The following TWF1 variants were observed in gnomAD, a reference collection of about 807,000 sequenced individuals.
TWF1 encodes twinfilin-1.
Under a neutral mutation model 47.9 loss-of-function variants are expected in TWF1, and 14 were observed. The observed-to-expected ratio is 0.29, with a 90% CI of 0.19 to 0.46. The LOEUF (loss-of-function observed/expected upper bound fraction) is 0.46. Ranked by LOEUF, TWF1 falls within the 20% of genes least tolerant of loss-of-function variation. TWF1 has a pLI of 1.00. For synonymous variants in TWF1, 96 were observed against 139.2 expected (o/e 0.69, Z 2.18); for missense variants, 281 against 409.3 (o/e 0.69, Z 2.70).
At chr12:43,804,466 C>G in intron 2 of TWF1, 29 bp downstream of exon 2, 1 of 1,402,542 alleles carries the variant, frequency 7.1e-7, no homozygotes. Context: ...AATCCAGGAA[C>G]AGAAAATATT....
At chr12:43,804,952 G>A (rs1176378931) in intron 1 of TWF1, among the ~76,000 whole-genome samples, 1 of 152,166 alleles carries the variant, frequency 6.6e-6, no homozygotes, top group African/African-American at 2.4e-5. Flanking sequence ...TCAAGCTTAT[G>A]ACAGACACTC....
chr12:43,804,396 A>G, intron 2 of TWF1, 99 bp downstream of exon 2: 1 of 778,482 alleles, frequency 1.3e-6, no homozygotes, highest in Non-Finnish European at 2.1e-6. Context: ...CTTGCTTCAT[A>G]TTAATTAATA....
intron 2 of TWF1, chr12:43,804,272 C>G: frequency 1.9e-6 from 1 of 529,050 alleles, no homozygotes; most frequent in Non-Finnish European, 3.5e-6. Flanking sequence ...AGGAAGAAGT[C>G]ACATCAAAAA....
At chr12:43,804,991 C>T (rs1223659875) in intron 1 of TWF1, among the ~76,000 whole-genome samples, 1 of 152,058 alleles carries the variant, frequency 6.6e-6, no homozygotes, top group Non-Finnish European at 1.5e-5. Flanking sequence ...TGTATTTTCC[C>T]GTTAAAAACA....
Position 43,795,752 on chromosome 12 carries a change from C to G in TWF1, c.886G>C (p.Glu296Gln). 1.2e-6 allele frequency: 2 copies of G among 1,613,028 alleles called. No homozygotes were observed. Among genetic ancestry groups the G allele is most frequent in the Non-Finnish European group, 8.5e-7 (1 of 1,179,498 alleles). Reference sequence around the variant, plus strand: ...GTCAACTCATCCCCATTGTCTATCTCGATCTGTAAAAGATAAAATTAGAAG... The same window carrying G: ...GTCAACTCATCCCCATTGTCTATCTGGATCTGTAAAAGATAAAATTAGAAG... ...QLQMDVIRKIEIDNGDELTAD... is the reference protein window; with the variant it reads ...QLQMDVIRKIQIDNGDELTAD... Residue 296 changes from glutamate (E) to glutamine (Q), a missense_variant, in exon 9 of 9, where the codon GAG (glutamate) becomes CAG (glutamine). Physicochemically the swap from Glu to Gln is conservative, Grantham distance 29. Transcript: ENST00000395510.
At chr12:43,805,783 T>G (rs988022195) in intron 1 of TWF1, 2 of 1,354,148 alleles carry the variant, frequency 1.5e-6, no homozygotes, top group Admixed American at 1.9e-5. Context: ...CTTTTTGTAA[T>G]CAAAGTCCTG....
intron 1 of TWF1, 101 bp downstream of exon 1, chr12:43,806,120 A>G: frequency 6.6e-7 from 1 of 1,524,724 alleles, no homozygotes; most frequent in Non-Finnish European, 8.8e-7. Flanking sequence ...CGACTTCCGG[A>G]GCTCCCGGCC....
rs934015032 is a variant in TWF1, at chr12:43,793,768, A to G, written c.*1817T>C. Reference sequence around the variant, plus strand: ...TTGTGATATAAAATGCACTTATAAAATGTCCACCAGAAGGCATGTAATTCT... The same window carrying G: ...TTGTGATATAAAATGCACTTATAAAGTGTCCACCAGAAGGCATGTAATTCT... On this transcript the variant is annotated 3_prime_UTR_variant, in exon 9 of 9. Coordinates refer to ENST00000395510, the MANE Select transcript of TWF1 (RefSeq NM_002822.5). 2 of 152,640 alleles carry G rather than the reference A, an allele frequency of 1.3e-5. No homozygotes were observed. The highest frequency in any genetic ancestry group is 4.8e-5 in the African/African-American group (2 of 41,454). The allele number at this position is 152,640 out of a possible 1,614,324, so 9.5% of individuals were successfully genotyped here.
rs371772622 is a variant in TWF1, at chr12:43,796,196, AAT to A, written c.883-443_883-442del. On this transcript the variant is annotated intron_variant, in intron 8 of 8. Transcript: ENST00000395510. ...TTAAGGGTTGTTAAACAACAATAAG[AAT>A]ATATGACAGAGATTATATGTGGCTT... Among the ~76,000 whole-genome samples the A allele has an allele frequency of 1.0e-3, 158 of 152,268 alleles. 1 individual carries two copies. The East Asian group carries it at 0.021, about 20-fold the overall frequency.
At chr12:43,804,628 T>C in intron 1 of TWF1, 56 bp from the exon 2 acceptor site, 1 of 1,221,798 alleles carries the variant, frequency 8.2e-7, no homozygotes, top group South Asian at 1.4e-5. Context: ...AATACTTTCC[T>C]ATCTATATTG....
At chr12:43,805,034 A>C (rs550945977) in intron 1 of TWF1, among the ~76,000 whole-genome samples, 8 of 152,392 alleles carry the variant, frequency 5.2e-5, no homozygotes, top group Non-Finnish European at 1.0e-4. Context: ...ACTTGTTTAA[A>C]GAAAAAGACA....
At chr12:43,799,555 G>T in intron 4 of TWF1, 53 bp from the exon 5 acceptor site, 2 of 1,068,564 alleles carry the variant, frequency 1.9e-6, no homozygotes, top group East Asian at 2.7e-5. Flanking sequence ...TAAAATGACA[G>T]TGAAGTTACT....
chr12:43,803,421 T>C (rs1039258330), intron 2 of TWF1, among the ~76,000 whole-genome samples: 2 of 152,154 alleles, frequency 1.3e-5, no homozygotes, highest in African/African-American at 2.4e-5. Context: ...ATGCTTGAAG[T>C]AAATAAGATA....
At chr12:43,805,819 A>C in intron 1 of TWF1, 1 of 1,375,236 alleles carries the variant, frequency 7.3e-7, no homozygotes, top group Non-Finnish European at 9.6e-7. Context: ...GACCATGAAA[A>C]AGAAAACTCG....
chr12:43,797,651 A>G (rs1942578468), intron 6 of TWF1, 57 bp downstream of exon 6: 1 of 1,575,878 alleles, frequency 6.3e-7, no homozygotes, highest in African/African-American at 1.4e-5. Context: ...TAAACCCTAT[A>G]TGAGTCATAA....
At chr12:43,800,376 G>C in intron 4 of TWF1, 59 bp downstream of exon 4, 1 of 1,261,142 alleles carries the variant, frequency 7.9e-7, no homozygotes, top group Non-Finnish European at 1.1e-6. Flanking sequence ...CCATTACCTA[G>C]GAGTTCCTCT....
chr12:43,801,974 G>A (rs1942669932), intron 3 of TWF1, among the ~76,000 whole-genome samples: 2 of 152,192 alleles, frequency 1.3e-5, no homozygotes, highest in Admixed American at 6.5e-5. Context: ...AGGTTGCAGT[G>A]AGCCGAAACT....
At chr12:43,802,508 T>TA in intron 2 of TWF1, 44 bp from the exon 3 acceptor site, 1 of 1,394,538 alleles carries the variant, frequency 7.2e-7, no homozygotes, top group Non-Finnish European at 1.0e-6. Context: ...TGGTTTGAGA[T>TA]ATCAAGTGGT....
intron 2 of TWF1, chr12:43,804,166 T>G (rs778669905): frequency 2.6e-5 from 10 of 387,134 alleles, no homozygotes; most frequent in South Asian, 2.0e-4. Flanking sequence ...TTTTTTTTTT[T>G]GATAATCACC....
Sources: gnomAD v4.1 joint callset for allele counts (sites outside exome capture counted in the v4.1 genomes callset) on GRCh38, gnomAD v4.1.1 for gene constraint, MANE v1.5 for transcripts, NCBI Gene and HGNC (gene_info 2026-07-23, HGNC 2026-07-21) for gene names.